TTC29: variants seen among roughly 807,000 people sequenced by gnomAD.
The protein encoded by TTC29 is tetratricopeptide repeat domain 29.
TTC29 carries 49 observed loss-of-function variants against 58.1 expected under a neutral mutation model. The ratio of observed to expected loss-of-function variants is 0.84; its 90% CI spans 0.67 to 1.07. TTC29 has a LOEUF of 1.07. Among genes scored for constraint, TTC29 ranks in the 50% least tolerant of loss-of-function variants. The pLI is 0.00. For missense variants in TTC29, 582 were observed against 555.6 expected, an observed-to-expected ratio of 1.05 and a Z score of -0.48; for synonymous variants, 209 against 196.8, an observed-to-expected ratio of 1.06 and a Z score of -0.52.
intron 9 of TTC29, 107 bp from the exon 10 acceptor site, chr4:146,820,355 G>A: frequency 8.0e-7 from 1 of 1,251,744 alleles, no homozygotes; most frequent in Non-Finnish European, 1.1e-6. Flanking sequence ...ATGGTTATCA[G>A]GATAATAAGA....
intron 11 of TTC29, among the ~76,000 whole-genome samples, chr4:146,801,606 GA>G (rs74955470): frequency 6.8e-6 from 1 of 147,698 alleles, no homozygotes. Flanking sequence ...AGTCCTGTTG[GA>G]AAAAAAAATG....
chr4:146,799,023 G>A (rs1750028402), intron 11 of TTC29, among the ~76,000 whole-genome samples: 2 of 151,824 alleles, frequency 1.3e-5, no homozygotes, highest in Admixed American at 1.3e-4. Context: ...ACAGGTTAAG[G>A]ACACAAAATG....
chr4:146,928,064 G>T (rs1735058806), intron 4 of TTC29, among the ~76,000 whole-genome samples: 1 of 152,162 alleles, frequency 6.6e-6, no homozygotes, highest in East Asian at 1.9e-4. Context: ...ATCTAATACA[G>T]TCGAGCCATT....
At chr4:146,888,643 ATT>A (rs570265306) in intron 6 of TTC29, among the ~76,000 whole-genome samples, 22 of 152,078 alleles carry the variant, frequency 1.4e-4, no homozygotes, top group Non-Finnish European at 2.8e-4. Context: ...AAGGACTAGA[ATT>A]TTTTTTCTAA....
At chr4:146,769,892 T>A (rs991582498) in intron 11 of TTC29, among the ~76,000 whole-genome samples, 16 of 152,066 alleles carry the variant, frequency 1.1e-4, no homozygotes, top group Non-Finnish European at 1.8e-4. Flanking sequence ...GCAATGGTGC[T>A]TTAAACTTCT....
At chr4:146,859,967 G>A (rs1730121614) in intron 8 of TTC29, among the ~76,000 whole-genome samples, 1 of 152,062 alleles carries the variant, frequency 6.6e-6, no homozygotes, top group African/African-American at 2.4e-5. Context: ...GAGCCATGGA[G>A]AACTCTGAGA....
intron 2 of TTC29, among the ~76,000 whole-genome samples, chr4:146,941,198 G>T (rs1220714434): frequency 6.6e-6 from 1 of 152,082 alleles, no homozygotes; most frequent in Non-Finnish European, 1.5e-5. Context: ...AAAAGGCCAG[G>T]GGCTCCTGAT....
chr4:146,736,061 A>C (rs1744686171), intron 11 of TTC29, among the ~76,000 whole-genome samples: 2 of 152,128 alleles, frequency 1.3e-5, no homozygotes, highest in Non-Finnish European at 2.9e-5. Flanking sequence ...AGGACCTCAA[A>C]CCAGTTTGCT....
At chr4:146,765,014 AT>A (rs1561103578) in intron 11 of TTC29, among the ~76,000 whole-genome samples, 1 of 151,998 alleles carries the variant, frequency 6.6e-6, no homozygotes, top group Non-Finnish European at 1.5e-5. Context: ...TTATTGGTGT[AT>A]TTTTCTATGC....
At chr4:146,813,776 G>A (rs948692710) in intron 10 of TTC29, among the ~76,000 whole-genome samples, 1 of 152,176 alleles carries the variant, frequency 6.6e-6, no homozygotes, top group Non-Finnish European at 1.5e-5. Flanking sequence ...TTGAGGGCAG[G>A]AGTTCGAGAC....
chr4:146,782,699 G>C (rs946831995), intron 11 of TTC29, among the ~76,000 whole-genome samples: 2 of 151,846 alleles, frequency 1.3e-5, no homozygotes, highest in Non-Finnish European at 2.9e-5. Context: ...GTGTGTTGTT[G>C]CTTTAAAAAC....
chr4:146,776,084 T>A (rs1748070967), intron 11 of TTC29, among the ~76,000 whole-genome samples: 1 of 152,242 alleles, frequency 6.6e-6, no homozygotes, highest in Admixed American at 6.5e-5. Flanking sequence ...TTCTGCTTTT[T>A]AATATTTGCA....
chr4:146,825,710 T>A lies in TTC29; in HGVS notation c.978-5462A>T, dbSNP rs185708785. On this transcript the variant is annotated intron_variant, in intron 9 of 12. Coordinates refer to ENST00000325106, the MANE Select transcript of TTC29 (RefSeq NM_031956.4). Reference sequence around the variant, plus strand: ...TAATACTGACAGTGGGTTGTTAAAGTCTCCCACAATTATTGTGTGGGAGAC... The same window carrying A: ...TAATACTGACAGTGGGTTGTTAAAGACTCCCACAATTATTGTGTGGGAGAC... Among the ~76,000 whole-genome samples the A allele has an allele frequency of 1.0e-3, 153 of 152,248 alleles. 1 individual carries two copies. Among genetic ancestry groups the A allele is most frequent in the African/African-American group, 3.5e-3 (145 of 41,554 alleles).
At chr4:146,857,605 T>C (rs1428185937) in intron 8 of TTC29, among the ~76,000 whole-genome samples, 9 of 152,114 alleles carry the variant, frequency 5.9e-5, no homozygotes, top group Non-Finnish European at 1.3e-4. Context: ...ATGTTATATA[T>C]TATGATAACC....
At chr4:146,793,956 GTCA>G (rs1185339922) in intron 11 of TTC29, among the ~76,000 whole-genome samples, 1 of 152,138 alleles carries the variant, frequency 6.6e-6, no homozygotes, top group Non-Finnish European at 1.5e-5. Context: ...TCAGGGCATG[GTCA>G]TCTATTTAAG....
At chr4:146,893,964 TCAAAACCA>T (rs1165032018) in intron 6 of TTC29, among the ~76,000 whole-genome samples, 4 of 151,940 alleles carry the variant, frequency 2.6e-5, no homozygotes, top group Non-Finnish European at 4.4e-5. Flanking sequence ...GAAATGCAAA[TCAAAACCA>T]CAATGAGATA....
At chr4:146,737,757 C>T (rs1744831403) in intron 11 of TTC29, among the ~76,000 whole-genome samples, 1 of 152,162 alleles carries the variant, frequency 6.6e-6, no homozygotes. Flanking sequence ...AAGGAACAAA[C>T]AAACTGTTCA....
At chr4:146,842,373 C>A (rs1456390198) in intron 8 of TTC29, among the ~76,000 whole-genome samples, 3 of 152,128 alleles carry the variant, frequency 2.0e-5, no homozygotes, top group Non-Finnish European at 4.4e-5. Context: ...TAAGCCCATT[C>A]CTCTTCTTGT....
intron 11 of TTC29, among the ~76,000 whole-genome samples, chr4:146,799,042 T>C (rs1750029358): frequency 6.6e-6 from 1 of 152,114 alleles, no homozygotes; most frequent in Non-Finnish European, 1.5e-5. Context: ...TGAAATCTTT[T>C]GCTGAAAGTC....
Sources: gnomAD v4.1 joint callset for allele counts (sites outside exome capture counted in the v4.1 genomes callset) on GRCh38, gnomAD v4.1.1 for gene constraint, MANE v1.5 for transcripts, NCBI Gene and HGNC (gene_info 2026-07-23, HGNC 2026-07-21) for gene names.